AXDND1: variants seen among roughly 807,000 people sequenced by gnomAD.
AXDND1 encodes axonemal dynein light chain domain-containing protein 1.
Under a neutral mutation model 137.5 loss-of-function variants are expected in AXDND1, and 110 were observed. That is an observed-to-expected ratio of 0.80 (90% CI 0.69 to 0.94). The LOEUF is 0.94. AXDND1 is among the 40% of genes least tolerant of loss of function. The pLI is 0.00. For missense variants in AXDND1, 1,191 were observed against 1,169.8 expected (o/e 1.02, Z -0.26); for synonymous variants, 414 against 399.7 (o/e 1.04, Z -0.43).
At chr1:179,375,485 TATATAATGTATAAC>T (rs1380398385) in intron 4 of AXDND1, among the ~76,000 whole-genome samples, 1 of 142,530 alleles carries the variant, frequency 7.0e-6, no homozygotes, top group Admixed American at 7.0e-5. Flanking sequence ...ATATAAAATA[TATATAATGTATAAC>T]ATATAATGTA....
chr1:179,422,057 A>C (rs1399853785), intron 12 of AXDND1, among the ~76,000 whole-genome samples: 2 of 151,840 alleles, frequency 1.3e-5, no homozygotes, highest in East Asian at 1.9e-4. Flanking sequence ...AAAAAAAAAA[A>C]AAAAACAGCA....
At chr1:179,522,687 G>A (rs76730861) in intron 21 of AXDND1, among the ~76,000 whole-genome samples, 4,745 of 151,650 alleles carry the variant, frequency 0.031, 278 homozygotes, top group African/African-American at 0.11. Context: ...GATGCAAAAA[G>A]CAGTCTAGCA....
At chr1:179,509,724 G>T (rs1668850288) in intron 21 of AXDND1, among the ~76,000 whole-genome samples, 1 of 152,106 alleles carries the variant, frequency 6.6e-6, no homozygotes. Context: ...CTCCCCTCCA[G>T]TCTCAGTCTT....
In AXDND1 at chr1:179,447,913, GGTGGAGAGAGC is replaced by G; in HGVS notation, c.1798+2713_1798+2723del. 3 of 1,368,244 alleles carry G rather than the reference GGTGGAGAGAGC, an allele frequency of 2.2e-6. No individual in the cohort carries two copies. In the South Asian group the frequency reaches 3.5e-5, roughly 16 times the overall value. 84.8% of individuals were successfully genotyped at this position (1,368,244 alleles called of 1,614,324 possible). A position where few individuals can be genotyped will look rare whatever the true frequency, so the allele number is the denominator to read the frequency against. On this transcript the variant is annotated intron_variant, in intron 16 of 25. Transcript: ENST00000367618. ...CACATTTCTATGTAATATGGTTTGA[GGTGGAGAGAGC>G]GTGTTTAAATCTGTTAACGTTGAGC...
At chr1:179,419,323 C>T (rs997062209) in intron 12 of AXDND1, among the ~76,000 whole-genome samples, 2 of 151,948 alleles carry the variant, frequency 1.3e-5, no homozygotes, top group African/African-American at 2.4e-5. Flanking sequence ...GCCTGGGCAC[C>T]ATTGAGCACT....
chr1:179,501,790 G>A (rs966678970), intron 20 of AXDND1, among the ~76,000 whole-genome samples: 5 of 152,034 alleles, frequency 3.3e-5, no homozygotes, highest in Admixed American at 2.0e-4. Context: ...GATGAAATGA[G>A]ACTTTTACTT....
chr1:179,545,415 T>C (rs1672552452), intron 25 of AXDND1: 2 of 152,204 alleles, frequency 1.3e-5, no homozygotes, highest in South Asian at 4.1e-4. Context: ...TTCCTTAGTA[T>C]ATACCTAAGA....
intron 16 of AXDND1, among the ~76,000 whole-genome samples, chr1:179,463,697 CTG>C (rs1302341308): frequency 4.4e-4 from 67 of 152,298 alleles, no homozygotes; most frequent in African/African-American, 1.2e-3. Flanking sequence ...TCTCCTTGAT[CTG>C]TCTACTGTTG....
intron 16 of AXDND1, chr1:179,457,242 C>A (rs1167132123): frequency 1.4e-6 from 1 of 710,878 alleles, no homozygotes; most frequent in Non-Finnish European, 2.5e-6. Context: ...AAAATGGCTT[C>A]TCAGGCTCTC....
At chr1:179,404,306 C>T (rs2125187668) in intron 11 of AXDND1, among the ~76,000 whole-genome samples, 1 of 150,978 alleles carries the variant, frequency 6.6e-6, no homozygotes, top group Admixed American at 6.6e-5. Flanking sequence ...ACTGCAACCT[C>T]TGCCTCCTGG....
intron 16 of AXDND1, among the ~76,000 whole-genome samples, chr1:179,464,047 C>T (rs528199430): frequency 9.2e-5 from 14 of 152,262 alleles, no homozygotes; most frequent in African/African-American, 3.4e-4. Flanking sequence ...ATACAGCACA[C>T]TGATGGGTCT....
At chr1:179,525,028 T>G (rs963713613) in intron 21 of AXDND1, among the ~76,000 whole-genome samples, 2 of 152,088 alleles carry the variant, frequency 1.3e-5, no homozygotes, top group African/African-American at 4.8e-5. Context: ...TCCTTCCCCA[T>G]CCTTCAAGAA....
chr1:179,468,337 G>T (rs950397177), intron 16 of AXDND1, 106 bp from the exon 17 acceptor site: 7 of 789,824 alleles, frequency 8.9e-6, no homozygotes, highest in African/African-American at 8.8e-5. Flanking sequence ...GATAATAAAA[G>T]ATTTTTAAAA....
chr1:179,378,368 C>T (rs982282691), intron 4 of AXDND1, among the ~76,000 whole-genome samples: 3 of 151,924 alleles, frequency 2.0e-5, no homozygotes, highest in Admixed American at 6.6e-5. Context: ...AGGGAATAGC[C>T]ATAGGAAAGA....
intron 25 of AXDND1, among the ~76,000 whole-genome samples, chr1:179,540,047 A>C (rs1024961717): frequency 6.6e-6 from 1 of 151,872 alleles, no homozygotes; most frequent in Admixed American, 6.6e-5. Flanking sequence ...CCGTCAGGTC[A>C]TTTATGTTCT....
intron 12 of AXDND1, among the ~76,000 whole-genome samples, chr1:179,413,313 A>G (rs893546977): frequency 6.6e-6 from 1 of 152,188 alleles, no homozygotes; most frequent in Admixed American, 6.5e-5. Flanking sequence ...TGTGTAAATC[A>G]TAAGGTTTGG....
intron 25 of AXDND1, among the ~76,000 whole-genome samples, chr1:179,539,072 C>G (rs1468749801): frequency 6.6e-6 from 1 of 152,038 alleles, no homozygotes; most frequent in Non-Finnish European, 1.5e-5. Context: ...TTATTTTGAG[C>G]CTATGTGTGT....
intron 15 of AXDND1, among the ~76,000 whole-genome samples, chr1:179,443,288 C>G (rs1659273021): frequency 1.3e-5 from 2 of 152,184 alleles, no homozygotes; most frequent in Non-Finnish European, 2.9e-5. Flanking sequence ...TAGTTCAATG[C>G]TATTATCTAA....
chr1:179,525,185 T>A (rs1350184096), intron 21 of AXDND1, 149 bp from the exon 22 acceptor site: 2 of 688,950 alleles, frequency 2.9e-6, no homozygotes, highest in African/African-American at 3.7e-5. Context: ...AATAAGTTTC[T>A]TAAGGACAGG....
Sources: allele counts gnomAD v4.1 joint callset (sites outside exome capture counted in the v4.1 genomes callset), GRCh38; gene constraint gnomAD v4.1.1; transcripts MANE v1.5; gene names NCBI Gene and HGNC (gene_info 2026-07-23, HGNC 2026-07-21).